The following TBC1D30 variants were observed in gnomAD, a reference collection of about 807,000 sequenced individuals.
The protein encoded by TBC1D30 is TBC1 domain family member 30, also known as TBC1 domain family, member 30.
TBC1D30 carries 31 observed loss-of-function variants against 63.2 expected under a neutral mutation model. The observed-to-expected ratio is 0.49, with a 90% CI of 0.37 to 0.66. The LOEUF (loss-of-function observed/expected upper bound fraction) is 0.66, where lower values mean the gene tolerates loss of function less well. Among genes scored for constraint, TBC1D30 ranks in the 30% least tolerant of loss-of-function variants. TBC1D30 has a pLI of 0.00. For missense variants in TBC1D30, 810 were observed against 953.6 expected (o/e 0.85, Z 1.98); for synonymous variants, 307 against 361.5 (o/e 0.85, Z 1.71).
In TBC1D30 at chr12:64,877,637, T is replaced by C. The variant is rs982039453; in HGVS notation, c.*1849T>C. ...AGCAGCCACGCCTACAGCCTGTTTT[T>C]TGGGAAGGCTGTAGGTGGAGAGATG... On this transcript the variant is annotated 3_prime_UTR_variant, in exon 12 of 12. Coordinates refer to ENST00000539867, the MANE Select transcript of TBC1D30 (RefSeq NM_015279.2). 7.2e-5 allele frequency: 11 copies of C among 152,226 alleles called. No individual in the cohort carries two copies. The highest frequency in any genetic ancestry group is 2.7e-4 in the African/African-American group (11 of 41,456). The allele number at this position is 152,226 out of a possible 1,614,324, so 9.4% of individuals were successfully genotyped here. A position where few individuals can be genotyped will look rare whatever the true frequency, so the allele number is the denominator to read the frequency against.
intron 7 of TBC1D30, 132 bp downstream of exon 7, chr12:64,838,983 G>A (rs574822376): frequency 1.8e-4 from 158 of 886,966 alleles, no homozygotes; most frequent in Non-Finnish European, 2.6e-4. Context: ...TTAGCCTCCT[G>A]AAATCTCAGC....
intron 5 of TBC1D30, among the ~76,000 whole-genome samples, 196 bp downstream of exon 5, chr12:64,832,500 T>C (rs540883174): frequency 1.3e-5 from 2 of 152,354 alleles, no homozygotes; most frequent in African/African-American, 4.8e-5. Flanking sequence ...ATGAGGCAAA[T>C]GATTATGTAT....
chr12:64,822,060 C>T (rs1278254574), upstream of TBC1D30, among the ~76,000 whole-genome samples: 1 of 152,194 alleles, frequency 6.6e-6, no homozygotes, highest in Non-Finnish European at 1.5e-5. Context: ...TAGGGTTGCA[C>T]CATTTCTGAC....
At chr12:64,834,399 C>T (rs1305345512) in intron 5 of TBC1D30, among the ~76,000 whole-genome samples, 1 of 146,742 alleles carries the variant, frequency 6.8e-6, no homozygotes, top group East Asian at 2.0e-4. Context: ...ATTATTTAGC[C>T]AAATCTTTTT....
chr12:64,802,230 T>C (rs1466835604), intron 2 of TBC1D30, among the ~76,000 whole-genome samples: 1 of 152,194 alleles, frequency 6.6e-6, no homozygotes, highest in Non-Finnish European at 1.5e-5. Context: ...TAAGGAAGCA[T>C]TAAAGCTTGC....
At chr12:64,786,313 G>T (rs7967781) in intron 2 of TBC1D30, among the ~76,000 whole-genome samples, 87,820 of 151,440 alleles carry the variant, frequency 0.58, 25,672 homozygotes, top group East Asian at 0.89. Context: ...GCTGAATGAT[G>T]ATTACAATTT....
chr12:64,803,800 G>A (rs902418467), intron 2 of TBC1D30, among the ~76,000 whole-genome samples: 1 of 152,202 alleles, frequency 6.6e-6, no homozygotes, highest in Non-Finnish European at 1.5e-5. Context: ...TCAAAGATCA[G>A]ATGGTTGTAG....
At chr12:64,817,330 G>T (rs933516783) in intron 2 of TBC1D30, among the ~76,000 whole-genome samples, 2 of 152,170 alleles carry the variant, frequency 1.3e-5, no homozygotes, top group African/African-American at 4.8e-5. Flanking sequence ...AATTCTCACC[G>T]TAACTCAAAT....
chr12:64,870,674 G>A lies in TBC1D30; in HGVS notation c.1364G>A (p.Arg455Gln), dbSNP rs1238599234. ...AGTCCAGGAGCAATCAATTCCTGTCGAAGTGAATACCATGCAGCTTTTAAC... is the reference window on the plus strand; with the variant it reads ...AGTCCAGGAGCAATCAATTCCTGTCAAAGTGAATACCATGCAGCTTTTAAC... ...ELSPGAINSC[R>Q]SEYHAAFNSM... Residue 455 changes from arginine (R) to glutamine (Q), a missense_variant, in exon 11 of 12, where the codon CGA becomes CAA. Around this residue, in one of 4 missense-constraint regions of TBC1D30, gnomAD observed 450 missense variants for 473.0 expected, o/e 0.95. Coordinates refer to ENST00000539867, the MANE Select transcript of TBC1D30 (RefSeq NM_015279.2). 2.0e-5 allele frequency: 31 copies of A among 1,535,976 alleles called. No individual in the cohort carries two copies. Among genetic ancestry groups the A allele is most frequent in the Middle Eastern group, 1.7e-4 (1 of 6,012 alleles).
intron 8 of TBC1D30, among the ~76,000 whole-genome samples, chr12:64,863,254 C>T (rs1877944498): frequency 6.6e-6 from 1 of 152,174 alleles, no homozygotes. Flanking sequence ...ATCTTATTCC[C>T]ATCTCTCCTC....
chr12:64,828,634 T>C (rs957955004), intron 3 of TBC1D30, 125 bp downstream of exon 3: 5 of 642,142 alleles, frequency 7.8e-6, no homozygotes, highest in Non-Finnish European at 1.1e-5. Context: ...TATTCATTCA[T>C]GCAATAAATA....
chr12:64,851,465 G>A (rs1565677786), intron 8 of TBC1D30, among the ~76,000 whole-genome samples: 5 of 152,188 alleles, frequency 3.3e-5, no homozygotes, highest in Non-Finnish European at 5.9e-5. Flanking sequence ...ACACCGATGG[G>A]TCTTGACTCT....
chr12:64,796,880 C>T (rs1872307686), intron 2 of TBC1D30, among the ~76,000 whole-genome samples: 1 of 151,976 alleles, frequency 6.6e-6, no homozygotes, highest in Non-Finnish European at 1.5e-5. Flanking sequence ...AATACTTTTT[C>T]CCCCAAAAGA....
Position 64,843,368 on chromosome 12 carries a change from T to G in TBC1D30, c.933-12T>G, listed in dbSNP as rs1375138210. 1.3e-6 allele frequency: 2 copies of G among 1,535,318 alleles called. No homozygotes were observed. Among genetic ancestry groups the G allele is most frequent in the African/African-American group, 2.7e-5 (2 of 73,030 alleles). On this transcript the variant is annotated splice_polypyrimidine_tract_variant and intron_variant, in intron 7 of 11. Coordinates refer to ENST00000539867, the MANE Select transcript of TBC1D30 (RefSeq NM_015279.2). Reference sequence around the variant, plus strand: ...CTAAACAAGTTGTATTTTCTGTCCTTTCTTTATCTAGGCAGATAGAATGTT... The same window carrying G: ...CTAAACAAGTTGTATTTTCTGTCCTGTCTTTATCTAGGCAGATAGAATGTT...
intron 5 of TBC1D30, among the ~76,000 whole-genome samples, chr12:64,833,702 A>C (rs994271741): frequency 6.6e-6 from 1 of 152,178 alleles, no homozygotes; most frequent in African/African-American, 2.4e-5. Context: ...TCTGTATTCA[A>C]CCTCTCACTT....
At chr12:64,814,571 T>C (rs549489204) in intron 2 of TBC1D30, among the ~76,000 whole-genome samples, 1 of 152,340 alleles carries the variant, frequency 6.6e-6, no homozygotes, top group Admixed American at 6.5e-5. Flanking sequence ...TTTAAAAAGA[T>C]AGAATCTGTC....
At chr12:64,851,392 C>A (rs1290722467) in intron 8 of TBC1D30, among the ~76,000 whole-genome samples, 1 of 152,158 alleles carries the variant, frequency 6.6e-6, no homozygotes, top group African/African-American at 2.4e-5. Flanking sequence ...GTAAATCTTC[C>A]TCCATCCCTT....
intron 1 of TBC1D30, among the ~76,000 whole-genome samples, chr12:64,760,729 A>G (rs1040229406): frequency 6.7e-6 from 1 of 148,684 alleles, no homozygotes; most frequent in Non-Finnish European, 1.5e-5. Flanking sequence ...TCCAGAACTT[A>G]AAGTATTAAA....
chr12:64,853,972 T>A (rs1877092510), intron 8 of TBC1D30, among the ~76,000 whole-genome samples: 1 of 152,240 alleles, frequency 6.6e-6, no homozygotes, highest in Non-Finnish European at 1.5e-5. Flanking sequence ...ATATGTATCT[T>A]TACAGGTGAA....
Sources: gnomAD v4.1 joint callset for allele counts (sites outside exome capture counted in the v4.1 genomes callset) on GRCh38, gnomAD v4.1.1 for gene constraint, gnomAD v4.1.1 regional missense constraint, MANE v1.5 for transcripts, NCBI Gene and HGNC (gene_info 2026-07-23, HGNC 2026-07-21) for gene names.